CD4: variants seen among roughly 807,000 people sequenced by gnomAD.
CD4 encodes T-cell surface glycoprotein CD4.
CD4 carries 25 observed loss-of-function variants against 50.5 expected under a neutral mutation model. That is an observed-to-expected ratio of 0.49 (90% CI 0.36 to 0.69). The LOEUF is 0.69. Ranked by LOEUF, CD4 falls within the 30% of genes least tolerant of loss-of-function variation. CD4 has a pLI of 0.00. For missense variants in CD4, 456 were observed against 548.5 expected (o/e 0.83, Z 1.68); for synonymous variants, 207 against 221.9 (o/e 0.93, Z 0.60).
chr12:6,803,305 C>T (rs532384505), intron 3 of CD4, among the ~76,000 whole-genome samples: 4 of 152,080 alleles, frequency 2.6e-5, no homozygotes, highest in African/African-American at 9.6e-5. Context: ...TGTGCACCAC[C>T]ATGTCTGGCT....
At chr12:6,805,789 C>T (rs1555116067) in intron 3 of CD4, among the ~76,000 whole-genome samples, 1 of 151,644 alleles carries the variant, frequency 6.6e-6, no homozygotes, top group Non-Finnish European at 1.5e-5. Flanking sequence ...TAGATATAAA[C>T]AAGTTGGCCA....
chr12:6,806,269 C>T (rs57021225), intron 3 of CD4, among the ~76,000 whole-genome samples: 5,686 of 151,712 alleles, frequency 0.037, 311 homozygotes, highest in African/African-American at 0.12. Context: ...TCTATACACA[C>T]ACGTGTGTGT....
intron 3 of CD4, among the ~76,000 whole-genome samples, chr12:6,802,798 GC>G (rs1450907240): frequency 1.3e-5 from 2 of 150,794 alleles, no homozygotes; most frequent in African/African-American, 4.9e-5. Context: ...GTGCAATGGC[GC>G]GATCTCAGCT....
intron 1 of CD4, among the ~76,000 whole-genome samples, chr12:6,797,569 T>C (rs1942408898): frequency 6.6e-6 from 1 of 152,078 alleles, no homozygotes; most frequent in African/African-American, 2.4e-5. Context: ...CTGAGTTCCC[T>C]CAGTATTTAT....
chr12:6,807,716 G>A (rs933109353), intron 3 of CD4, among the ~76,000 whole-genome samples: 24 of 152,202 alleles, frequency 1.6e-4, no homozygotes, highest in Non-Finnish European at 3.1e-4. Flanking sequence ...AAACTGGATA[G>A]AGGGCACATA....
chr12:6,815,735 A>G, intron 5 of CD4: 1 of 1,359,848 alleles, frequency 7.4e-7, no homozygotes, highest in Non-Finnish European at 9.7e-7. Context: ...GTGAAGGGTG[A>G]TGAATACGCC....
chr12:6,814,455 C>T lies in CD4; in HGVS notation c.373+155C>T, dbSNP rs1023641264. 5 of 767,728 alleles carry T rather than the reference C, an allele frequency of 6.5e-6. No homozygotes were observed. In the Admixed American group the frequency reaches 1.4e-4, roughly 22 times the overall value. The allele number at this position is 767,728 out of a possible 1,614,324, so 47.6% of individuals were successfully genotyped here. The stretch of plus-strand genomic sequence containing the variant: ...GGCCTCCAAATGTCTTAAAACCCTT[C>T]TTGATCAGGTGAGGGATGCTGGTGG... On this transcript the variant is annotated intron_variant, in intron 4 of 9. Transcript: ENST00000011653.
intron 3 of CD4, among the ~76,000 whole-genome samples, chr12:6,802,881 G>A (rs1364981308): frequency 1.3e-5 from 2 of 152,022 alleles, no homozygotes; most frequent in Admixed American, 6.6e-5. Flanking sequence ...CTACAGACAC[G>A]TGCCACCATG....
intron 3 of CD4, among the ~76,000 whole-genome samples, chr12:6,813,220 A>ATTT (rs58979580): frequency 4.4e-5 from 6 of 135,888 alleles, no homozygotes; most frequent in Admixed American, 7.3e-5. Flanking sequence ...ATTAAAAAAA[A>ATTT]TTTTTTTTTT....
At chr12:6,815,875 G>A in intron 5 of CD4, 181 bp from the exon 6 acceptor site, 1 of 1,520,944 alleles carries the variant, frequency 6.6e-7, no homozygotes, top group Non-Finnish European at 8.8e-7. Flanking sequence ...AAAATGCTGG[G>A]TGGAAGAAGG....
At chr12:6,814,496 G>A (rs1943033978) in intron 4 of CD4, 196 bp downstream of exon 4, 1 of 656,474 alleles carries the variant, frequency 1.5e-6, no homozygotes, top group Non-Finnish European at 2.6e-6. Flanking sequence ...GGAGGGAAGA[G>A]GCCTTGGGAA....
At chr12:6,806,933 C>T (rs1468937224) in intron 3 of CD4, among the ~76,000 whole-genome samples, 5 of 152,040 alleles carry the variant, frequency 3.3e-5, no homozygotes, top group Non-Finnish European at 7.4e-5. Flanking sequence ...TTTGGGAGGC[C>T]GAGGCGGGTG....
intron 3 of CD4, 87 bp downstream of exon 3, chr12:6,800,558 T>A: frequency 8.3e-7 from 1 of 1,209,970 alleles, no homozygotes; most frequent in Non-Finnish European, 1.1e-6. Flanking sequence ...TTAGTTAAAC[T>A]CTGGGATCCC....
At chr12:6,807,364 C>T (rs940191306) in intron 3 of CD4, among the ~76,000 whole-genome samples, 1 of 151,944 alleles carries the variant, frequency 6.6e-6, no homozygotes, top group African/African-American at 2.4e-5. Context: ...ACATCCATAC[C>T]ACGAAATACT....
At chr12:6,800,831 G>A (rs552357021) in intron 3 of CD4, among the ~76,000 whole-genome samples, 13 of 152,154 alleles carry the variant, frequency 8.5e-5, no homozygotes, top group Admixed American at 2.6e-4. Flanking sequence ...GGCTGAGGCC[G>A]GAGGATTGCT....
intron 3 of CD4, among the ~76,000 whole-genome samples, chr12:6,811,922 G>A (rs939388799): frequency 2.6e-4 from 40 of 151,556 alleles, no homozygotes; most frequent in African/African-American, 9.0e-4. Context: ...TGATCCTCCT[G>A]CTTCAGCCTC....
intron 1 of CD4, among the ~76,000 whole-genome samples, chr12:6,797,837 A>AGAAT (rs963425897): frequency 6.6e-6 from 1 of 152,220 alleles, no homozygotes; most frequent in Non-Finnish European, 1.5e-5. Context: ...CTCTCAAAAT[A>AGAAT]GAATGTATGA....
chr12:6,813,253 C>T (rs923675669), intron 3 of CD4, among the ~76,000 whole-genome samples: 2 of 146,062 alleles, frequency 1.4e-5, no homozygotes, highest in African/African-American at 2.5e-5. Flanking sequence ...GATGGGGTTT[C>T]GCCATGTTGC....
intron 3 of CD4, among the ~76,000 whole-genome samples, chr12:6,805,148 GCT>G (rs1942690925): frequency 1.6e-5 from 2 of 123,902 alleles, no homozygotes; most frequent in African/African-American, 3.1e-5. Flanking sequence ...TCACACCACT[GCT>G]TTCCAGCCTC....
Sources: gnomAD v4.1 joint callset for allele counts (sites outside exome capture counted in the v4.1 genomes callset) on GRCh38, gnomAD v4.1.1 for gene constraint, MANE v1.5 for transcripts, NCBI Gene and HGNC (gene_info 2026-07-23, HGNC 2026-07-21) for gene names.